The following GNPAT variants were observed in gnomAD, a reference collection of about 807,000 sequenced individuals.
The protein encoded by GNPAT is glyceronephosphate O-acyltransferase.
In GNPAT, 30 loss-of-function variants were observed where a neutral mutation model predicts 78.4. That is an observed-to-expected ratio of 0.38 (90% CI 0.29 to 0.52). GNPAT has a LOEUF of 0.52. GNPAT is among the 20% of genes least tolerant of loss of function. The probability of loss-of-function intolerance (pLI) is 0.84; values close to 1 mark genes in which losing one functional copy is unlikely to be tolerated. For synonymous variants in GNPAT, 271 were observed against 281.1 expected (o/e 0.96, Z 0.36); for missense variants, 714 against 812.2 (o/e 0.88, Z 1.47).
chr1:231,244,875 T>TA (rs1308701220), intron 1 of GNPAT, among the ~76,000 whole-genome samples: 1 of 152,198 alleles, frequency 6.6e-6, no homozygotes, highest in Non-Finnish European at 1.5e-5. Flanking sequence ...GACTTCCTGT[T>TA]AAAGTCCAAG....
rs34295658 is a variant in GNPAT at position 231,262,764 on chromosome 1, T to C, written c.480T>C (p.Pro160=). The C allele has an allele frequency of 6.2e-7, 1 of 1,607,376 alleles. No homozygotes were observed. Among genetic ancestry groups the C allele is most frequent in the Non-Finnish European group, 8.5e-7 (1 of 1,173,888 alleles). ...AGGAGCATCCTGTTGTTCTGCTGCC[T>C]AGTCATCGAAGTTACATTGACTTCC... ...AIQEHPVVLL[P]SHRSYIDFLM... The change falls in exon 4 of 16, where the codon CCT becomes CCC. Residue 160 remains proline (P), a synonymous_variant. Coordinates refer to ENST00000366647, the MANE Select transcript of GNPAT (RefSeq NM_014236.4).
At chr1:231,271,374 C>T (rs1685560006) in intron 10 of GNPAT, among the ~76,000 whole-genome samples, 1 of 152,120 alleles carries the variant, frequency 6.6e-6, no homozygotes, top group Admixed American at 6.5e-5. Flanking sequence ...AGTCAGCAGT[C>T]GATGAGTACT....
Position 231,266,066 on chromosome 1 carries a change from C to T in GNPAT, c.825C>T (p.Thr275=), listed in dbSNP as rs1164430979. ...TTTTTAAAAGAGAAGTTTTTGATAC[C>T]TACCTTGTCCCAATTAGTATCAGTT... ...EPFFKREVFD[T]YLVPISISYD... The change falls in exon 7 of 16, where the codon ACC becomes ACT. Residue 275 remains threonine (T), a synonymous_variant. Transcript: ENST00000366647. The T allele has an allele frequency of 1.9e-6, 3 of 1,610,274 alleles. No individual in the cohort carries two copies. The highest frequency in any genetic ancestry group is 3.3e-5 in the Admixed American group (2 of 59,992).
At chr1:231,244,278 T>C (rs911102844) in intron 1 of GNPAT, among the ~76,000 whole-genome samples, 1 of 152,110 alleles carries the variant, frequency 6.6e-6, no homozygotes, top group Non-Finnish European at 1.5e-5. Context: ...GAGAATCAGG[T>C]TGGGTAGGGA....
At position 231,251,076 on chromosome 1, in the gene GNPAT, C is replaced by A. The variant is rs181331718; in HGVS notation, c.194C>A (p.Pro65Gln). 2 of 1,594,648 alleles carry A rather than the reference C, an allele frequency of 1.3e-6. No individual in the cohort carries two copies. Among genetic ancestry groups the A allele is most frequent in the East Asian group, 4.5e-5 (2 of 44,740 alleles). Residue 65 changes from proline (P) to glutamine (Q), a missense_variant, in exon 2 of 16, where the codon CCA becomes CAA. Coordinates refer to ENST00000366647, the MANE Select transcript of GNPAT (RefSeq NM_014236.4). Reference sequence around the variant, plus strand: ...CCTCTTGTCTATAAGGGAATTACTCCATGTAAACCAATTGATATTAAATGT... The same window carrying A: ...CCTCTTGTCTATAAGGGAATTACTCAATGTAAACCAATTGATATTAAATGT... ...YTPLVYKGIT[P>Q]CKPIDIKCSV...
chr1:231,255,612 T>A, intron 2 of GNPAT, among the ~76,000 whole-genome samples: 1 of 152,046 alleles, frequency 6.6e-6, no homozygotes, highest in East Asian at 1.9e-4. Context: ...TTTTTAAAAT[T>A]TTTTGTAGGA....
chr1:231,256,896 G>GT (rs1685084070), intron 2 of GNPAT, among the ~76,000 whole-genome samples: 1 of 152,152 alleles, frequency 6.6e-6, no homozygotes, highest in African/African-American at 2.4e-5. Flanking sequence ...CATTGAAGGG[G>GT]TCTTAGCCAA....
At chr1:231,265,610 CAGGAAGCTTGGG>C in intron 5 of GNPAT, 90 bp from the exon 6 acceptor site, 1 of 901,342 alleles carries the variant, frequency 1.1e-6, no homozygotes, top group South Asian at 1.3e-5. Flanking sequence ...TGTGTTTGTT[CAGGAAGCTTGGG>C]AGGGAGCTTG....
intron 2 of GNPAT, among the ~76,000 whole-genome samples, chr1:231,257,632 C>T (rs756631877): frequency 3.3e-5 from 5 of 152,208 alleles, no homozygotes; most frequent in Non-Finnish European, 5.9e-5. Context: ...AACCTTCACG[C>T]TTCTTACCTC....
intron 10 of GNPAT, among the ~76,000 whole-genome samples, chr1:231,271,515 A>C (rs1262035822): frequency 6.6e-6 from 1 of 152,196 alleles, no homozygotes; most frequent in Non-Finnish European, 1.5e-5. Context: ...TTACTAGGGG[A>C]GTGAGCCCCA....
chr1:231,247,158 T>G (rs1313687732), intron 1 of GNPAT, among the ~76,000 whole-genome samples: 2 of 149,526 alleles, frequency 1.3e-5, no homozygotes, highest in Non-Finnish European at 3.0e-5. Context: ...AGAGAGAGAC[T>G]CCATCTCAAA....
Position 231,241,253 on chromosome 1 carries a change from GGCT to G in GNPAT, c.-123_-121del. On this transcript the variant is annotated 5_prime_UTR_variant, in exon 1 of 16. Transcript: ENST00000366647. ...GGCGGCGCCCGGGATCCTGTGTAGC[GGCT>G]GCAGAGGGTGCCGCCGCCCTAGGCG... is the stretch of plus-strand genomic sequence containing the variant. 3 of 1,435,154 alleles carry G rather than the reference GGCT, an allele frequency of 2.1e-6. No individual in the cohort carries two copies. Among genetic ancestry groups the G allele is most frequent in the Non-Finnish European group, 2.9e-6 (3 of 1,018,952 alleles). The allele number at this position is 1,435,154 out of a possible 1,614,324, so 88.9% of individuals were successfully genotyped here. A position where few individuals can be genotyped will look rare whatever the true frequency, so the allele number is the denominator to read the frequency against.
chr1:231,275,471 G>A lies in GNPAT; in HGVS notation c.1910G>A (p.Arg637Lys), dbSNP rs1461004741. Residue 637 changes from arginine (R) to lysine (K), a missense_variant, in exon 14 of 16, where the codon AGG (arginine) becomes AAG (lysine). Physicochemically the swap from Arg to Lys is conservative, Grantham distance 26. Transcript: ENST00000366647. ...AAAAACGCCTTAGCAGCCTGTGTGAGGCTCGGAGTAGTGGAGAAGAAGAAG... is the reference window on the plus strand; with the variant it reads ...AAAAACGCCTTAGCAGCCTGTGTGAAGCTCGGAGTAGTGGAGAAGAAGAAG... ...VQKNALAACV[R>K]LGVVEKKKIN... 1.2e-6 allele frequency: 2 copies of A among 1,606,958 alleles called. No homozygotes were observed. The highest frequency in any genetic ancestry group is 1.7e-6 in the Non-Finnish European group (2 of 1,173,502).
intron 8 of GNPAT, 106 bp downstream of exon 8, chr1:231,266,513 A>G (rs1685393937): frequency 1.1e-6 from 1 of 929,380 alleles, no homozygotes; most frequent in Non-Finnish European, 1.7e-6. Context: ...TTAAGATTAC[A>G]GAGAAAATGA....
In GNPAT at chr1:231,260,669, G is replaced by T. The variant is rs1558331360; in HGVS notation, c.424G>T (p.Glu142Ter). ...TTTCTCGAAGGTGTGTGTAAATGAA[G>T]AAGGTATTCAGAAAGTGAGTATTGA... ...QIFSKVCVNE[E>*]GIQKLQRAIQ... The change falls in exon 3 of 16, where the codon GAA (glutamate) becomes TAA (stop). Residue 142 changes from glutamate to a stop codon, truncating the protein, a stop_gained. Transcript: ENST00000366647. LOFTEE classifies it high-confidence loss of function. 5 of 1,603,462 alleles carry T rather than the reference G, an allele frequency of 3.1e-6. No individual in the cohort carries two copies. The highest frequency in any genetic ancestry group is 3.4e-6 in the Non-Finnish European group (4 of 1,170,742).
intron 3 of GNPAT, among the ~76,000 whole-genome samples, chr1:231,262,250 C>G (rs966309846): frequency 3.9e-5 from 6 of 152,176 alleles, no homozygotes; most frequent in African/African-American, 1.4e-4. Context: ...TTTGTTTTCT[C>G]TTACTACAAC....
intron 9 of GNPAT, among the ~76,000 whole-genome samples, chr1:231,268,924 T>G (rs982986099): frequency 6.6e-6 from 1 of 150,672 alleles, no homozygotes; most frequent in Admixed American, 6.6e-5. Context: ...AAAAAAATTG[T>G]ACAGGCTACA....
chr1:231,272,240 T>C (rs1386073332), intron 10 of GNPAT, 72 bp from the exon 11 acceptor site: 1 of 794,156 alleles, frequency 1.3e-6, no homozygotes, highest in Non-Finnish European at 2.3e-6. Context: ...TTTGTGATAG[T>C]AAGGACTTCC....
At position 231,260,581 on chromosome 1, in the gene GNPAT, C is replaced by A. The variant is rs1317111038; in HGVS notation, c.336C>A (p.His112Gln). ...GTGAGATCTTAGATGAAATGAGTCA[C>A]AAACTGCGTCTTGGAGCCATTCGGT... ...EVSEILDEMS[H>Q]KLRLGAIRFC... is the part of the protein sequence containing the mutation. Residue 112 changes from histidine to glutamine, a missense_variant, in exon 3 of 16, where the codon CAC becomes CAA. Coordinates refer to ENST00000366647, the MANE Select transcript of GNPAT (RefSeq NM_014236.4). 1 of 1,611,596 alleles carries A rather than the reference C, an allele frequency of 6.2e-7. No individual in the cohort carries two copies. The highest frequency in any genetic ancestry group is 8.5e-7 in the Non-Finnish European group (1 of 1,177,764).
Sources: allele counts gnomAD v4.1 joint callset (sites outside exome capture counted in the v4.1 genomes callset), GRCh38; gene constraint gnomAD v4.1.1; transcripts MANE v1.5; gene names NCBI Gene and HGNC (gene_info 2026-07-23, HGNC 2026-07-21).